RGPD8: variants seen among roughly 807,000 people sequenced by gnomAD.
The protein encoded by RGPD8 is RANBP2-like and GRIP domain-containing protein 8.
RGPD8 carries 15 observed loss-of-function variants against 89.1 expected under a neutral mutation model. The ratio of observed to expected loss-of-function variants is 0.17; its 90% CI spans 0.11 to 0.26. RGPD8 has a LOEUF of 0.26. Ranked by LOEUF, RGPD8 falls within the 10% of genes least tolerant of loss-of-function variation. The pLI is 1.00. For missense variants in RGPD8, 178 were observed against 1,179.6 expected (o/e 0.15, Z 12.44); for synonymous variants, 62 against 420.9 (o/e 0.15, Z 10.44).
chr2:112,433,277 G>T lies in RGPD8; in HGVS notation c.72+105C>A. The T allele has an allele frequency of 2.5e-6, 3 of 1,199,976 alleles. No individual in the cohort carries two copies. In the South Asian group the frequency reaches 5.2e-5, roughly 21 times the overall value. The allele number at this position is 1,199,976 out of a possible 1,614,324, so 74.3% of individuals were successfully genotyped here. A position where few individuals can be genotyped will look rare whatever the true frequency, so the allele number is the denominator to read the frequency against. ...CAGAGCGCGCCAGGGAGCAGCGCCCGTCGGGAGCCATGACCCCTGACCCAT... is the reference window on the plus strand; with the variant it reads ...CAGAGCGCGCCAGGGAGCAGCGCCCTTCGGGAGCCATGACCCCTGACCCAT... On this transcript the variant is annotated intron_variant, in intron 1 of 22. Transcript: ENST00000302558.
At chr2:112,372,959 G>C (rs1453802043) in intron 22 of RGPD8, among the ~76,000 whole-genome samples, 1 of 137,550 alleles carries the variant, frequency 7.3e-6, no homozygotes, top group East Asian at 2.1e-4. Flanking sequence ...AGACCTCTGT[G>C]TATGTATGGT....
At chr2:112,385,246 T>TA (rs1678427293) in intron 20 of RGPD8, among the ~76,000 whole-genome samples, 1 of 151,286 alleles carries the variant, frequency 6.6e-6, no homozygotes, top group South Asian at 2.1e-4. Context: ...GCTAACACTA[T>TA]AAAATCTAAG....
chr2:112,431,420 T>C (rs1256848147), intron 1 of RGPD8, among the ~76,000 whole-genome samples: 8 of 152,176 alleles, frequency 5.3e-5, no homozygotes, highest in African/African-American at 9.7e-5. Flanking sequence ...TCTGGAGGAA[T>C]AGACTGTAAC....
At chr2:112,373,236 G>C (rs1251521835) in intron 22 of RGPD8, among the ~76,000 whole-genome samples, 1 of 152,206 alleles carries the variant, frequency 6.6e-6, no homozygotes, top group South Asian at 2.1e-4. Context: ...GATGCAAGGA[G>C]AAGAGCAATC....
intron 1 of RGPD8, chr2:112,432,715 C>G: frequency 1.0e-6 from 1 of 985,258 alleles, no homozygotes; most frequent in Non-Finnish European, 1.2e-6. Context: ...GCGGGTACTA[C>G]GGGGCCAGAA....
At chr2:112,432,619 G>A (rs1250426808) in intron 1 of RGPD8, 1 of 985,164 alleles carries the variant, frequency 1.0e-6, no homozygotes, top group Non-Finnish European at 1.2e-6. Context: ...GACCTCCGCC[G>A]CGGCATATAA....
intron 6 of RGPD8, among the ~76,000 whole-genome samples, chr2:112,415,142 G>A (rs1440971101): frequency 6.6e-5 from 10 of 150,558 alleles, no homozygotes; most frequent in East Asian, 5.8e-4. Flanking sequence ...CCAACACTTC[G>A]GGAGGCCGAG....
Position 112,431,576 on chromosome 2 carries a change from T to G in RGPD8, c.72+1806A>C, listed in dbSNP as rs370341236. On this transcript the variant is annotated intron_variant, in intron 1 of 22. Coordinates refer to ENST00000302558, the MANE Select transcript of RGPD8 (RefSeq NM_001164463.1). ...TGGAAGCGCAAAATAAGATAACCTA[T>G]GCTTAGTTATGATAAGAGACACAAT... Among the ~76,000 whole-genome samples the G allele has an allele frequency of 3.9e-5, 6 of 151,964 alleles. No individual in the cohort carries two copies. In the South Asian group the frequency reaches 1.2e-3, roughly 32 times the overall value.
At chr2:112,433,292 C>T in intron 1 of RGPD8, 90 bp downstream of exon 1, 1 of 1,435,226 alleles carries the variant, frequency 7.0e-7, no homozygotes, top group East Asian at 2.6e-5. Context: ...GAGCCATGAC[C>T]CCTGACCCAT....
intron 1 of RGPD8, among the ~76,000 whole-genome samples, chr2:112,430,482 TG>T (rs759166910): frequency 2.0e-4 from 31 of 151,900 alleles, no homozygotes; most frequent in Non-Finnish European, 3.5e-4. Context: ...GTAAGAGAGG[TG>T]GTCATAATAA....
chr2:112,414,177 T>C (rs1679292703), intron 6 of RGPD8, among the ~76,000 whole-genome samples: 1 of 143,680 alleles, frequency 7.0e-6, no homozygotes, highest in Non-Finnish European at 1.5e-5. Flanking sequence ...TTATTTTTCA[T>C]AAAAAATGCT....
intron 7 of RGPD8, among the ~76,000 whole-genome samples, chr2:112,410,292 A>T (rs1574009457): frequency 6.8e-6 from 1 of 146,452 alleles, no homozygotes; most frequent in East Asian, 2.0e-4. Flanking sequence ...CATCTCAAAA[A>T]AAAATAAAAT....
At chr2:112,431,756 C>A (rs13408170) in intron 1 of RGPD8, among the ~76,000 whole-genome samples, 1 of 151,802 alleles carries the variant, frequency 6.6e-6, no homozygotes, top group African/African-American at 2.4e-5. Flanking sequence ...CCTGCCTCAG[C>A]CTCCCAGGTA....
In RGPD8 at chr2:112,433,167, C is replaced by A. The variant is rs557511156; in HGVS notation, c.72+215G>T. On this transcript the variant is annotated intron_variant, in intron 1 of 22. Coordinates refer to ENST00000302558, the MANE Select transcript of RGPD8 (RefSeq NM_001164463.1). ...GGTCGAGGCCGCCGCCTCAACAGAGCGCGCCAGGGAGCAGCGCCCGTCGGG... is the reference window on the plus strand; with the variant it reads ...GGTCGAGGCCGCCGCCTCAACAGAGAGCGCCAGGGAGCAGCGCCCGTCGGG... Among the ~76,000 whole-genome samples the A allele has an allele frequency of 1.9e-3, 240 of 126,840 alleles. 7 individuals carry two copies. The highest frequency in any genetic ancestry group is 6.8e-3 in the African/African-American group (226 of 33,004). 83.2% of individuals were successfully genotyped at this position (126,840 alleles called of 152,430 possible).
At chr2:112,433,254 G>C (rs1680138000) in intron 1 of RGPD8, 128 bp downstream of exon 1, 1 of 941,584 alleles carries the variant, frequency 1.1e-6, no homozygotes, top group Admixed American at 4.2e-5. Flanking sequence ...CGCCTCAACA[G>C]AGCGCGCCAG....
At chr2:112,382,045 C>T (rs1451253434) in intron 20 of RGPD8, among the ~76,000 whole-genome samples, 3 of 151,602 alleles carry the variant, frequency 2.0e-5, no homozygotes, top group Admixed American at 1.3e-4. Context: ...TAATCAGCTG[C>T]CAGCGAATAT....
At chr2:112,410,573 C>G (rs1347408678) in intron 7 of RGPD8, among the ~76,000 whole-genome samples, 1 of 151,230 alleles carries the variant, frequency 6.6e-6, no homozygotes. Flanking sequence ...GTCAGAAGAT[C>G]GAGACCATCC....
rs1679667447 is a variant in RGPD8 at position 112,424,325 on chromosome 2, G to T, written c.73-18C>A. The T allele has an allele frequency of 6.3e-7, 1 of 1,594,018 alleles. No homozygotes were observed. The highest frequency in any genetic ancestry group is 1.7e-5 in the Admixed American group (1 of 59,740). On this transcript the variant is annotated intron_variant, in intron 1 of 22. Coordinates refer to ENST00000302558, the MANE Select transcript of RGPD8 (RefSeq NM_001164463.1). Reference sequence around the variant, plus strand: ...ATTGACTTCTAAAAAAAAATTAAAAGTTGTTTTATGTTTCATACAGAAATA... The same window carrying T: ...ATTGACTTCTAAAAAAAAATTAAAATTTGTTTTATGTTTCATACAGAAATA...
At chr2:112,415,141 C>T (rs1280979104) in intron 6 of RGPD8, among the ~76,000 whole-genome samples, 6 of 149,918 alleles carry the variant, frequency 4.0e-5, no homozygotes, top group South Asian at 2.1e-4. Flanking sequence ...CCCAACACTT[C>T]GGGAGGCCGA....
Sources: allele counts gnomAD v4.1 joint callset (sites outside exome capture counted in the v4.1 genomes callset), GRCh38; gene constraint gnomAD v4.1.1; transcripts MANE v1.5; gene names NCBI Gene and HGNC (gene_info 2026-07-23, HGNC 2026-07-21).